The following RTTN variants were observed in gnomAD, a reference collection of about 807,000 sequenced individuals.
The protein encoded by RTTN is rotatin.
In RTTN, 182 loss-of-function variants were observed where a neutral mutation model predicts 269.2. The observed-to-expected ratio is 0.68, with a 90% CI of 0.60 to 0.76. The LOEUF (loss-of-function observed/expected upper bound fraction) is 0.76, where lower values mean the gene tolerates loss of function less well. RTTN is among the 30% of genes least tolerant of loss of function. RTTN has a pLI of 0.00. For missense variants in RTTN, 2,545 were observed against 2,608.6 expected (o/e 0.98, Z 0.53); for synonymous variants, 1,006 against 963.5 (o/e 1.04, Z -0.82).
chr18:70,121,454 A>T, intron 26 of RTTN, 102 bp downstream of exon 26: 1 of 995,752 alleles, frequency 1.0e-6, no homozygotes, highest in Non-Finnish European at 1.5e-6. Flanking sequence ...TTTACCAAGC[A>T]TAGACAATAT....
intron 36 of RTTN, 134 bp downstream of exon 36, chr18:70,059,716 C>T: frequency 1.9e-6 from 1 of 537,868 alleles, no homozygotes; most frequent in Non-Finnish European, 2.9e-6. Context: ...AAAGCAAAAT[C>T]CTAGAGTTCA....
intron 18 of RTTN, among the ~76,000 whole-genome samples, chr18:70,143,201 G>C (rs2060303642): frequency 6.6e-6 from 1 of 151,954 alleles, no homozygotes; most frequent in African/African-American, 2.4e-5. Flanking sequence ...CTTTTTAATG[G>C]AGCTGTTTGG....
chr18:70,112,192 T>C (rs1286144082), intron 27 of RTTN, among the ~76,000 whole-genome samples: 1 of 152,174 alleles, frequency 6.6e-6, no homozygotes, highest in Non-Finnish European at 1.5e-5. Context: ...TACCAGCCAC[T>C]GCAAAAGCAT....
intron 35 of RTTN, 59 bp from the exon 36 acceptor site, chr18:70,060,101 A>G: frequency 7.6e-7 from 1 of 1,314,176 alleles, no homozygotes; most frequent in Non-Finnish European, 1.0e-6. Context: ...TACAATACTC[A>G]AAAGTTCTTA....
intron 14 of RTTN, among the ~76,000 whole-genome samples, chr18:70,160,528 CA>C (rs1324643581): frequency 6.6e-6 from 1 of 151,716 alleles, no homozygotes; most frequent in Non-Finnish European, 1.5e-5. Flanking sequence ...ACAAAGATGC[CA>C]ACTCTCACCA....
chr18:70,101,585 G>C lies in RTTN; in HGVS notation c.3903+7913C>G, dbSNP rs142889469. 5.0e-3 allele frequency among the ~76,000 whole-genome samples: 762 copies of C among 151,968 alleles called. 5 individuals carry two copies. Among genetic ancestry groups the C allele is most frequent in the African/African-American group, 0.017 (722 of 41,434 alleles). On this transcript the variant is annotated intron_variant, in intron 28 of 48. Transcript: ENST00000640769. Reference sequence around the variant, plus strand: ...TTGTGTCTGTACCTCCTTCATTTCTGCTCTGTTCTTAGTTATTTCTTGCCT... The same window carrying C: ...TTGTGTCTGTACCTCCTTCATTTCTCCTCTGTTCTTAGTTATTTCTTGCCT...
chr18:70,123,073 T>C (rs76791100), intron 25 of RTTN, among the ~76,000 whole-genome samples: 2,961 of 152,278 alleles, frequency 0.019, 97 homozygotes, highest in African/African-American at 0.066. Context: ...TTGTTGAATA[T>C]GGCATTTTAG....
intron 28 of RTTN, among the ~76,000 whole-genome samples, chr18:70,104,408 T>C (rs1410919805): frequency 6.6e-6 from 1 of 152,152 alleles, no homozygotes; most frequent in East Asian, 1.9e-4. Context: ...CTTCAAGGTT[T>C]TTAGCTTCTT....
In RTTN at chr18:70,031,665, A is replaced by C. The variant is rs143463225; in HGVS notation, c.5542-684T>G. On this transcript the variant is annotated intron_variant, in intron 40 of 48. Coordinates refer to ENST00000640769, the MANE Select transcript of RTTN (RefSeq NM_173630.4). ...ACAATAACAGATTCCATACATTTTT[A>C]TTAAAAATCAAAACTAGAAATTTCT... Among the ~76,000 whole-genome samples the C allele has an allele frequency of 5.5e-4, 83 of 151,772 alleles. No homozygotes were observed. In the East Asian group the frequency reaches 0.014, roughly 25 times the overall value.
intron 45 of RTTN, chr18:70,019,799 C>T (rs891132372): frequency 2.0e-5 from 3 of 152,092 alleles, no homozygotes; most frequent in South Asian, 4.1e-4. Flanking sequence ...TTAGAAAGAC[C>T]GAACTTTCTA....
intron 40 of RTTN, among the ~76,000 whole-genome samples, chr18:70,046,232 C>T (rs1358525740): frequency 6.6e-6 from 1 of 152,120 alleles, no homozygotes. Context: ...TTTCCCAGGT[C>T]CAGGAGGATT....
intron 44 of RTTN, among the ~76,000 whole-genome samples, chr18:70,023,868 C>T (rs997600712): frequency 8.5e-5 from 13 of 152,194 alleles, no homozygotes; most frequent in Middle Eastern, 3.4e-3. Flanking sequence ...CTGTAACCTC[C>T]GCTTCCTGGG....
intron 18 of RTTN, among the ~76,000 whole-genome samples, chr18:70,143,045 A>T (rs2060299008): frequency 6.6e-6 from 1 of 152,084 alleles, no homozygotes. Flanking sequence ...ATAAATAAAT[A>T]GCCATTCTGA....
chr18:70,182,394 T>C (rs1461388363), intron 10 of RTTN, among the ~76,000 whole-genome samples: 3 of 151,974 alleles, frequency 2.0e-5, no homozygotes, highest in Admixed American at 6.5e-5. Context: ...TACATCAAAA[T>C]AGCATAAAGA....
intron 23 of RTTN, chr18:70,130,445 G>T (rs149770541): frequency 1.4e-4 from 22 of 151,954 alleles, no homozygotes; most frequent in African/African-American, 5.3e-4. Flanking sequence ...GTATCATTCA[G>T]ATGTAAAAAA....
chr18:70,132,851 T>C (rs2060031208), intron 23 of RTTN, among the ~76,000 whole-genome samples: 1 of 152,116 alleles, frequency 6.6e-6, no homozygotes, highest in South Asian at 2.1e-4. Flanking sequence ...AATGCCAACA[T>C]TACTGTGAGT....
intron 28 of RTTN, among the ~76,000 whole-genome samples, chr18:70,101,672 G>T (rs1244447623): frequency 6.6e-6 from 1 of 152,056 alleles, no homozygotes; most frequent in East Asian, 1.9e-4. Flanking sequence ...TGATGTTAGG[G>T]TGTCAATTTT....
At chr18:70,150,777 A>G (rs1037024748) in intron 14 of RTTN, 44 bp from the exon 15 acceptor site, 9 of 1,443,742 alleles carry the variant, frequency 6.2e-6, no homozygotes, top group Non-Finnish European at 8.5e-6. Context: ...AGCAACACTG[A>G]TTTTTCCAAA....
chr18:70,056,782 AC>A (rs1235543451), intron 37 of RTTN, among the ~76,000 whole-genome samples: 2 of 152,108 alleles, frequency 1.3e-5, no homozygotes, highest in Non-Finnish European at 2.9e-5. Context: ...GAATAGCCCT[AC>A]CCTTCCAACT....
Sources: allele counts gnomAD v4.1 joint callset (sites outside exome capture counted in the v4.1 genomes callset), GRCh38; gene constraint gnomAD v4.1.1; transcripts MANE v1.5; gene names NCBI Gene and HGNC (gene_info 2026-07-23, HGNC 2026-07-21).